Variants in NEMP2 observed in about 807,000 individuals in gnomAD.
NEMP2 encodes the protein UPF0571 transmembrane protein.
Under a neutral mutation model 54.2 loss-of-function variants are expected in NEMP2, and 53 were observed. The ratio of observed to expected loss-of-function variants is 0.98; its 90% CI spans 0.78 to 1.23. The LOEUF (loss-of-function observed/expected upper bound fraction) is 1.23. Ranked by LOEUF, NEMP2 falls within the 50% of genes most tolerant of loss-of-function variation. The pLI is 0.00. For synonymous variants in NEMP2, 197 were observed against 190.3 expected (o/e 1.04, Z -0.29); for missense variants, 455 against 511.3 (o/e 0.89, Z 1.06).
At chr2:190,450,488 C>CT in the NEMP2 span, among the ~76,000 whole-genome samples, 18,317 of 96,538 alleles carry the variant, frequency 0.19, 2,737 homozygotes, top group Middle Eastern at 0.25. Flanking sequence ...TCTCTTTTTC[C>CT]TTTTTTTTTT....
At chr2:190,468,656 A>G in the NEMP2 span, among the ~76,000 whole-genome samples, 1 of 143,100 alleles carries the variant, frequency 7.0e-6, no homozygotes, top group African/African-American at 2.6e-5. Context: ...ACAGGTTCTC[A>G]CTATGTTGCC....
the NEMP2 span, among the ~76,000 whole-genome samples, chr2:190,449,380 A>G: frequency 2.6e-5 from 4 of 152,108 alleles, no homozygotes; most frequent in Admixed American, 2.6e-4. Context: ...AGGCTGAGGC[A>G]GGAGAATCAC....
the NEMP2 span, among the ~76,000 whole-genome samples, chr2:190,448,546 G>A: frequency 6.6e-6 from 1 of 152,010 alleles, no homozygotes; most frequent in African/African-American, 2.4e-5. Flanking sequence ...TGTTGACTGG[G>A]GAAAAAAGCA....
chr2:190,525,389 G>A lies in NEMP2; in HGVS notation c.98-11C>T. 6.9e-7 allele frequency: 1 copy of A among 1,454,016 alleles called. No homozygotes were observed. Among genetic ancestry groups the A allele is most frequent in the Non-Finnish European group, 9.4e-7 (1 of 1,064,952 alleles). The allele number at this position is 1,454,016 out of a possible 1,614,324, so 90.1% of individuals were successfully genotyped here. A position where few individuals can be genotyped will look rare whatever the true frequency, so the allele number is the denominator to read the frequency against. On this transcript the variant is annotated splice_polypyrimidine_tract_variant and intron_variant, in intron 1 of 8. Transcript: ENST00000409150. This position sits in a 1 kb window ranked among gnomAD's most constrained non-coding sequence, Gnocchi z 5.0. ...CTTTACACCTACGAACTGAGAGATGGAAAAGGGAATGCATTTTCTAACTGT... is the reference window on the plus strand; with the variant it reads ...CTTTACACCTACGAACTGAGAGATGAAAAAGGGAATGCATTTTCTAACTGT...
chr2:190,633,295 T>C, the NEMP2 span, among the ~76,000 whole-genome samples: 1 of 151,960 alleles, frequency 6.6e-6, no homozygotes. Flanking sequence ...AAGAATTTTG[T>C]TGCATTCAAC....
At chr2:190,595,678 G>A in the NEMP2 span, among the ~76,000 whole-genome samples, 2 of 152,054 alleles carry the variant, frequency 1.3e-5, no homozygotes, top group African/African-American at 4.8e-5. The surrounding 1 kb of genome is among the most constrained non-coding windows in gnomAD (Gnocchi z 4.0). Context: ...TTAGAGAAAC[G>A]CAAATCAAAA....
At chr2:190,480,880 TATAA>T in the NEMP2 span, among the ~76,000 whole-genome samples, 17 of 152,150 alleles carry the variant, frequency 1.1e-4, no homozygotes, top group African/African-American at 2.9e-4. Context: ...TAAAATAAAT[TATAA>T]ATAAATATAA....
the NEMP2 span, among the ~76,000 whole-genome samples, chr2:190,624,074 G>A: frequency 6.6e-6 from 1 of 152,158 alleles, no homozygotes; most frequent in Non-Finnish European, 1.5e-5. Flanking sequence ...CTTGAGCCAG[G>A]GAGTTGGAGA....
At chr2:190,634,173 T>C in the NEMP2 span, among the ~76,000 whole-genome samples, 1 of 152,128 alleles carries the variant, frequency 6.6e-6, no homozygotes, top group African/African-American at 2.4e-5. This position sits in a 1 kb window ranked among gnomAD's most constrained non-coding sequence, Gnocchi z 6.8. Context: ...ATGCATAAAA[T>C]TATAAATAAT....
the NEMP2 span, chr2:190,435,781 C>T: frequency 1.8e-4 from 82 of 446,204 alleles, no homozygotes; most frequent in Non-Finnish European, 2.8e-4. Context: ...CAGTCAGTGG[C>T]CATAAAGAGT....
At chr2:190,623,162 A>G in the NEMP2 span, among the ~76,000 whole-genome samples, 1 of 152,230 alleles carries the variant, frequency 6.6e-6, no homozygotes, top group African/African-American at 2.4e-5. Context: ...TTATGAAAAA[A>G]TTGAAGAGGA....
the NEMP2 span, among the ~76,000 whole-genome samples, chr2:190,467,879 C>T: frequency 6.6e-6 from 1 of 152,212 alleles, no homozygotes; most frequent in Admixed American, 6.5e-5. This position sits in a 1 kb window ranked among gnomAD's most constrained non-coding sequence, Gnocchi z 5.5. Flanking sequence ...CCTGTGGCTG[C>T]TTTCATGCTA....
the NEMP2 span, chr2:190,444,784 G>T: frequency 9.3e-6 from 3 of 324,100 alleles, no homozygotes; most frequent in Non-Finnish European, 1.3e-5. Context: ...GAGTATTAGG[G>T]TGCTAAAACC....
At chr2:190,481,651 A>G in the NEMP2 span, among the ~76,000 whole-genome samples, 1 of 152,214 alleles carries the variant, frequency 6.6e-6, no homozygotes, top group Non-Finnish European at 1.5e-5. Flanking sequence ...GCATATTGTC[A>G]TATTTTCAAA....
At chr2:190,616,507 G>T in the NEMP2 span, among the ~76,000 whole-genome samples, 1 of 152,166 alleles carries the variant, frequency 6.6e-6, no homozygotes, top group Non-Finnish European at 1.5e-5. This position sits in a 1 kb window ranked among gnomAD's most constrained non-coding sequence, Gnocchi z 5.1. Flanking sequence ...AGTTGTATTT[G>T]ATTAGAACAG....
At chr2:190,588,469 G>A in the NEMP2 span, among the ~76,000 whole-genome samples, 2 of 152,104 alleles carry the variant, frequency 1.3e-5, no homozygotes, top group Non-Finnish European at 2.9e-5. This position sits in a 1 kb window ranked among gnomAD's most constrained non-coding sequence, Gnocchi z 5.0. Context: ...CCAGTATGGC[G>A]GGGAATCTTG....
At chr2:190,431,489 G>A in the NEMP2 span, among the ~76,000 whole-genome samples, 41 of 152,326 alleles carry the variant, frequency 2.7e-4, no homozygotes, top group Non-Finnish European at 5.4e-4. This position sits in a 1 kb window ranked among gnomAD's most constrained non-coding sequence, Gnocchi z 4.4. Flanking sequence ...GATCACTCGC[G>A]ATTAGGAGCT....
the NEMP2 span, among the ~76,000 whole-genome samples, chr2:190,427,313 G>C: frequency 6.6e-6 from 1 of 152,220 alleles, no homozygotes; most frequent in Admixed American, 6.5e-5. Flanking sequence ...TTATAGCTTG[G>C]TGAGGGCAGA....
Position 190,505,281 on chromosome 2 carries a change from G to A in NEMP2, c.*3908C>T, listed in dbSNP as rs1038885863. On this transcript the variant is annotated 3_prime_UTR_variant, in exon 9 of 9. Coordinates refer to ENST00000409150, the MANE Select transcript of NEMP2 (RefSeq NM_001142645.2). The surrounding 1 kb of genome is among the most constrained non-coding windows in gnomAD (Gnocchi z 5.8). Reference sequence around the variant, plus strand: ...CTTGAATTCTGATTCTACCACTTTAGCTATATGTGTCCTTCAGCAACTTTC... The same window carrying A: ...CTTGAATTCTGATTCTACCACTTTAACTATATGTGTCCTTCAGCAACTTTC... The A allele has an allele frequency of 6.6e-6, 1 of 152,176 alleles. No individual in the cohort carries two copies. The highest frequency in any genetic ancestry group is 1.5e-5 in the Non-Finnish European group (1 of 68,028). The allele number at this position is 152,176 out of a possible 1,614,324, so 9.4% of individuals were successfully genotyped here. A position where few individuals can be genotyped will look rare whatever the true frequency, so the allele number is the denominator to read the frequency against.
Sources: allele counts gnomAD v4.1 joint callset (sites outside exome capture counted in the v4.1 genomes callset), GRCh38; gene constraint gnomAD v4.1.1; non-coding constraint Gnocchi (gnomAD v3.1); transcripts MANE v1.5; gene names NCBI Gene and HGNC (gene_info 2026-07-23, HGNC 2026-07-21).